The following PRKN variants were observed in gnomAD, a reference collection of about 807,000 sequenced individuals.
PRKN encodes parkin RBR E3 ubiquitin protein ligase.
In PRKN, 56 loss-of-function variants were observed where a neutral mutation model predicts 59.5. The ratio of observed to expected loss-of-function variants is 0.94; its 90% CI spans 0.76 to 1.18. The LOEUF (loss-of-function observed/expected upper bound fraction) is 1.18. Ranked by LOEUF, PRKN falls within the 50% of genes most tolerant of loss-of-function variation. The pLI, the probability that PRKN is intolerant of heterozygous loss-of-function variation, is 0.00. For synonymous variants in PRKN, 250 were observed against 222.1 expected (o/e 1.13, Z -1.12); for missense variants, 657 against 596.4 (o/e 1.10, Z -1.06).
intron 7 of PRKN, among the ~76,000 whole-genome samples, chr6:161,751,276 G>A (rs1788682402): frequency 6.6e-6 from 1 of 152,100 alleles, no homozygotes; most frequent in Non-Finnish European, 1.5e-5. Context: ...AACATCGTCT[G>A]TTTGGTTTCC....
At chr6:161,968,113 C>A (rs866651728) in intron 6 of PRKN, among the ~76,000 whole-genome samples, 14 of 151,924 alleles carry the variant, frequency 9.2e-5, no homozygotes, top group Middle Eastern at 3.4e-3. Context: ...TTCCGCCTCC[C>A]GGGTTCAAGC....
At position 162,383,374 on chromosome 6, in the gene PRKN, T is replaced by C. The variant is rs117622716; in HGVS notation, c.171+59936A>G. 3.3e-5 allele frequency among the ~76,000 whole-genome samples: 5 copies of C among 152,318 alleles called. No homozygotes were observed. In the East Asian group the frequency reaches 9.7e-4, roughly 29 times the overall value. ...AAGCATGAAAACAACATTCACCTCC[T>C]TGAACATCTCCATCAGAGCTCTTGG... On this transcript the variant is annotated intron_variant, in intron 2 of 11. Coordinates refer to ENST00000366898, the MANE Select transcript of PRKN (RefSeq NM_004562.3).
intron 1 of PRKN, among the ~76,000 whole-genome samples, chr6:162,524,031 G>A (rs926363899): frequency 1.4e-4 from 21 of 151,826 alleles, no homozygotes; most frequent in Non-Finnish European, 2.6e-4. Flanking sequence ...CTGTGCCCCC[G>A]TTATAACTCA....
At chr6:161,855,697 A>G (rs1434105682) in intron 6 of PRKN, among the ~76,000 whole-genome samples, 1 of 152,262 alleles carries the variant, frequency 6.6e-6, no homozygotes, top group African/African-American at 2.4e-5. Flanking sequence ...TATTTGACAG[A>G]TAATCCTTAT....
At chr6:162,130,763 T>C (rs1562530717) in intron 4 of PRKN, among the ~76,000 whole-genome samples, 1 of 152,330 alleles carries the variant, frequency 6.6e-6, no homozygotes, top group East Asian at 1.9e-4. Context: ...ACTCACTTGC[T>C]GTGTGATACA....
At chr6:162,556,895 CTGA>C (rs765187048) in intron 1 of PRKN, among the ~76,000 whole-genome samples, 2 of 152,130 alleles carry the variant, frequency 1.3e-5, no homozygotes, top group Non-Finnish European at 2.9e-5. Flanking sequence ...AGTCATTCTC[CTGA>C]TGCTACCTTC....
chr6:162,458,943 C>T (rs1157757908), intron 1 of PRKN, among the ~76,000 whole-genome samples: 1 of 152,064 alleles, frequency 6.6e-6, no homozygotes, highest in Admixed American at 6.6e-5. Context: ...GCCCCAGCCT[C>T]CCGAGTAGCT....
rs1460644766 is a variant in PRKN at position 161,561,305 on chromosome 6, A to G, written c.933+8050T>C. 1.3e-5 allele frequency among the ~76,000 whole-genome samples: 2 copies of G among 152,188 alleles called. No individual in the cohort carries two copies. The highest frequency in any genetic ancestry group is 4.8e-5 in the African/African-American group (2 of 41,462). ...AGAAGAAAATGAATTTATTACTTTT[A>G]TCTGGAGTTGCACCAATTTTTTGGT... On this transcript the variant is annotated intron_variant, in intron 8 of 11. Coordinates refer to ENST00000366898, the MANE Select transcript of PRKN (RefSeq NM_004562.3). This position sits in a 1 kb window ranked among gnomAD's most constrained non-coding sequence, Gnocchi z 5.0.
At chr6:162,574,628 G>A (rs1047200523) in intron 1 of PRKN, among the ~76,000 whole-genome samples, 9 of 152,064 alleles carry the variant, frequency 5.9e-5, no homozygotes, top group African/African-American at 1.7e-4. Flanking sequence ...AAATAGGATG[G>A]CCGTTTCATA....
At chr6:162,455,866 G>C (rs936534958) in intron 1 of PRKN, among the ~76,000 whole-genome samples, 2 of 151,924 alleles carry the variant, frequency 1.3e-5, no homozygotes, top group Non-Finnish European at 2.9e-5. Context: ...TTGTCAGATT[G>C]AACAAAATAC....
intron 7 of PRKN, among the ~76,000 whole-genome samples, chr6:161,702,544 G>A (rs1401793822): frequency 6.6e-6 from 1 of 152,038 alleles, no homozygotes; most frequent in African/African-American, 2.4e-5. Context: ...ATGGGGGGAG[G>A]GGGAGGAGAG....
chr6:162,042,968 C>A (rs946410196), intron 5 of PRKN, among the ~76,000 whole-genome samples: 1 of 152,064 alleles, frequency 6.6e-6, no homozygotes, highest in African/African-American at 2.4e-5. Context: ...AAGACATACC[C>A]AAAAACAGGA....
In PRKN at chr6:161,357,897, T is replaced by A. The variant is rs993928796; in HGVS notation, c.1285+2191A>T. Reference sequence around the variant, plus strand: ...CTGCCCATGCTGTGAGGAAGTCCCATTGAAACCCATCTTATGAACGAGCAA... The same window carrying A: ...CTGCCCATGCTGTGAGGAAGTCCCAATGAAACCCATCTTATGAACGAGCAA... On this transcript the variant is annotated intron_variant, in intron 11 of 11. Coordinates refer to ENST00000366898, the MANE Select transcript of PRKN (RefSeq NM_004562.3). The surrounding 1 kb of genome is among the most constrained non-coding windows in gnomAD (Gnocchi z 5.5). 6.6e-6 allele frequency among the ~76,000 whole-genome samples: 1 copy of A among 152,194 alleles called. No homozygotes were observed. The highest frequency in any genetic ancestry group is 1.5e-5 in the Non-Finnish European group (1 of 68,038).
intron 2 of PRKN, among the ~76,000 whole-genome samples, chr6:162,358,344 G>A (rs908214909): frequency 6.6e-5 from 10 of 151,992 alleles, no homozygotes; most frequent in African/African-American, 2.4e-4. Flanking sequence ...TTTCAGCCTT[G>A]TAAGCAATCA....
chr6:161,485,992 G>C (rs1791626605), intron 9 of PRKN, among the ~76,000 whole-genome samples: 1 of 151,920 alleles, frequency 6.6e-6, no homozygotes, highest in East Asian at 1.9e-4. Flanking sequence ...AAAGTTCTAA[G>C]GTCCCTTAAG....
rs1785831367 is a variant in PRKN at position 161,378,618 on chromosome 6, C to T, written c.1167+8176G>A. Among the ~76,000 whole-genome samples, 1 of 152,212 alleles carries T rather than the reference C, an allele frequency of 6.6e-6. No homozygotes were observed. Among genetic ancestry groups the T allele is most frequent in the Admixed American group, 6.5e-5 (1 of 15,282 alleles). On this transcript the variant is annotated intron_variant, in intron 10 of 11. Transcript: ENST00000366898. The surrounding 1 kb of genome is among the most constrained non-coding windows in gnomAD (Gnocchi z 7.3). ...TGCAGGCTGCCGGCACCCTGCATGG[C>T]ACTGCATTGTGTCCCAGTGGGTGCA...
intron 6 of PRKN, among the ~76,000 whole-genome samples, chr6:161,918,609 A>T (rs1333045590): frequency 6.6e-6 from 1 of 152,192 alleles, no homozygotes; most frequent in African/African-American, 2.4e-5. Context: ...ATCATGGTGC[A>T]TTATCTTTGT....
At chr6:162,568,468 G>A (rs6929604) in intron 1 of PRKN, 119,581 of 636,788 alleles carry the variant, frequency 0.19, 13,154 homozygotes, top group African/African-American at 0.38. Context: ...GGAGGCTCTG[G>A]TGGGGCCGGC....
chr6:162,470,138 C>T, intron 1 of PRKN, among the ~76,000 whole-genome samples: 1 of 152,158 alleles, frequency 6.6e-6, no homozygotes, highest in Non-Finnish European at 1.5e-5. Flanking sequence ...CCCACGGCCA[C>T]TGGGACATCC....
Sources: gnomAD v4.1 joint callset for allele counts (sites outside exome capture counted in the v4.1 genomes callset) on GRCh38, gnomAD v4.1.1 for gene constraint, Gnocchi (gnomAD v3.1) non-coding constraint, MANE v1.5 for transcripts, NCBI Gene and HGNC (gene_info 2026-07-23, HGNC 2026-07-21) for gene names.